Variants in KRCC1 observed in about 807,000 individuals in gnomAD.
KRCC1 encodes lysine-rich coiled-coil protein 1.
In KRCC1, 3 loss-of-function variants were observed where a neutral mutation model predicts 7.4. The ratio of observed to expected loss-of-function variants is 0.40; its 90% CI spans 0.18 to 1.04. KRCC1 has a LOEUF of 1.04. Among genes scored for constraint, KRCC1 ranks in the 50% least tolerant of loss-of-function variants. KRCC1 has a pLI of 0.33. For missense variants in KRCC1, 277 were observed against 300.9 expected (o/e 0.92, Z 0.59); for synonymous variants, 102 against 101.6 (o/e 1.00, Z -0.02).
chr2:88,032,903 C>T (rs1312703956), intron 3 of KRCC1, among the ~76,000 whole-genome samples: 2 of 150,972 alleles, frequency 1.3e-5, no homozygotes. Flanking sequence ...AAGTTCAAGA[C>T]CAACCTGGCC....
intron 1 of KRCC1, among the ~76,000 whole-genome samples, chr2:88,049,356 T>C (rs940582025): frequency 1.3e-5 from 2 of 152,164 alleles, no homozygotes; most frequent in African/African-American, 2.4e-5. Context: ...GGTTAGTTAA[T>C]GTGAATGGGT....
At chr2:88,048,332 T>C (rs1275617185) in intron 1 of KRCC1, among the ~76,000 whole-genome samples, 3 of 152,214 alleles carry the variant, frequency 2.0e-5, no homozygotes, top group Non-Finnish European at 4.4e-5. Context: ...TCCACCTGCC[T>C]TGGCCTCCCA....
chr2:88,044,162 A>T (rs1382176929), intron 1 of KRCC1, among the ~76,000 whole-genome samples: 1 of 152,188 alleles, frequency 6.6e-6, no homozygotes, highest in Non-Finnish European at 1.5e-5. Context: ...TTCCTAACTG[A>T]TGTAAAACTT....
At chr2:88,048,010 A>AT (rs1673381226) in intron 1 of KRCC1, among the ~76,000 whole-genome samples, 1 of 152,046 alleles carries the variant, frequency 6.6e-6, no homozygotes, top group Non-Finnish European at 1.5e-5. Flanking sequence ...TCACTAACAT[A>AT]TATTAGGAGA....
At chr2:88,031,605 G>C (rs1672992397) in intron 3 of KRCC1, among the ~76,000 whole-genome samples, 1 of 151,732 alleles carries the variant, frequency 6.6e-6, no homozygotes, top group South Asian at 2.1e-4. Context: ...CTGGGCAACA[G>C]AGTGAGACTC....
chr2:88,049,940 A>G (rs533855791), intron 1 of KRCC1, among the ~76,000 whole-genome samples: 22 of 152,376 alleles, frequency 1.4e-4, no homozygotes, highest in Admixed American at 1.4e-3. Flanking sequence ...TATGCAAAAC[A>G]ATGAACTACT....
At chr2:88,034,654 A>G in intron 2 of KRCC1, among the ~76,000 whole-genome samples, 1 of 152,214 alleles carries the variant, frequency 6.6e-6, no homozygotes, top group South Asian at 2.1e-4. Flanking sequence ...ATAATCTTTT[A>G]CAGCTACTTT....
intron 2 of KRCC1, among the ~76,000 whole-genome samples, chr2:88,034,977 GTTTA>G (rs1408706377): frequency 6.6e-6 from 1 of 151,922 alleles, no homozygotes; most frequent in Non-Finnish European, 1.5e-5. Context: ...AATAAGTTTT[GTTTA>G]TTTAAGAAGA....
In KRCC1 at chr2:88,028,001, T is replaced by A. The variant is rs201503261; in HGVS notation, c.563A>T (p.Asp188Val). The A allele has an allele frequency of 6.2e-7, 1 of 1,614,114 alleles. No homozygotes were observed. Among genetic ancestry groups the A allele is most frequent in the African/African-American group, 1.3e-5 (1 of 75,026 alleles). The change falls in exon 4 of 4, where the codon GAC becomes GTC. Residue 188 changes from aspartate (D) to valine (V), a missense_variant. Physicochemically the swap from Asp to Val is radical, Grantham distance 152. Transcript: ENST00000347055. ...HKRKKSCEEI[D>V]LDKHKSIQRK... The stretch of plus-strand genomic sequence containing the variant: ...TTGGATGCTCTTGTGTTTGTCTAAG[T>A]CAATTTCCTCGCAGCTTTTTTTTCT...
intron 1 of KRCC1, among the ~76,000 whole-genome samples, chr2:88,042,929 T>C (rs1673245443): frequency 6.6e-6 from 1 of 152,200 alleles, no homozygotes; most frequent in African/African-American, 2.4e-5. Flanking sequence ...AATCTATGGG[T>C]TTAATTAGAA....
chr2:88,030,368 A>C (rs1672970838), intron 3 of KRCC1, among the ~76,000 whole-genome samples: 1 of 151,466 alleles, frequency 6.6e-6, no homozygotes. Context: ...AAGAAAATCT[A>C]AATGAAGCCT....
chr2:88,053,575 A>T (rs1217335073), intron 1 of KRCC1, among the ~76,000 whole-genome samples: 1 of 152,234 alleles, frequency 6.6e-6, no homozygotes, highest in East Asian at 1.9e-4. Context: ...GAAGACACTA[A>T]ATCTAGTCTT....
In KRCC1 at chr2:88,028,285, G is replaced by A; in HGVS notation, c.279C>T (p.Asp93=). 3 of 1,614,214 alleles carry A rather than the reference G, an allele frequency of 1.9e-6. No individual in the cohort carries two copies. Among genetic ancestry groups the A allele is most frequent in the South Asian group, 1.1e-5 (1 of 91,084 alleles). The change falls in exon 4 of 4, where the codon GAC becomes GAT. Residue 93 remains aspartate, a synonymous_variant. Transcript: ENST00000347055. ...TCAGAGAGTCTAGTCTCAATCTGCTGTCATGGGCTGGTAACCACTGAGGCA... is the reference window on the plus strand; with the variant it reads ...TCAGAGAGTCTAGTCTCAATCTGCTATCATGGGCTGGTAACCACTGAGGCA... ...NRLPQWLPAH[D]SRLRLDSLSY...
At chr2:88,047,992 A>T (rs1443497743) in intron 1 of KRCC1, among the ~76,000 whole-genome samples, 1 of 152,142 alleles carries the variant, frequency 6.6e-6, no homozygotes, top group African/African-American at 2.4e-5. Context: ...TAGACTTTTC[A>T]ATCTAACTCA....
At chr2:88,039,435 C>T (rs1179872534) in intron 1 of KRCC1, among the ~76,000 whole-genome samples, 10 of 152,056 alleles carry the variant, frequency 6.6e-5, no homozygotes. Flanking sequence ...GCCTGTAATC[C>T]CAGCATTTTG....
Position 88,028,107 on chromosome 2 carries a change from G to T in KRCC1, c.457C>A (p.His153Asn). ...TTCCTCTTCTGATGTATCTGTTTGT[G>T]ACTGGCTTGATGAGTACTGGTACTG... Reference protein sequence around the residue: ...DNSTSTHQASHKQIHQKRKRH... With the variant: ...DNSTSTHQASNKQIHQKRKRH... Residue 153 changes from histidine (H) to asparagine (N), a missense_variant, in exon 4 of 4, where the codon CAC becomes AAC. Coordinates refer to ENST00000347055, the MANE Select transcript of KRCC1 (RefSeq NM_016618.3). 6.2e-7 allele frequency: 1 copy of T among 1,614,026 alleles called. No homozygotes were observed. The highest frequency in any genetic ancestry group is 8.5e-7 in the Non-Finnish European group (1 of 1,180,010).
In KRCC1 at chr2:88,043,579, C is replaced by T. The variant is rs538735078; in HGVS notation, c.-290-6528G>A. Among the ~76,000 whole-genome samples the T allele has an allele frequency of 6.6e-5, 10 of 152,342 alleles. No individual in the cohort carries two copies. In the South Asian group the frequency reaches 2.1e-3, roughly 32 times the overall value. On this transcript the variant is annotated intron_variant, in intron 1 of 3. Coordinates refer to ENST00000347055, the MANE Select transcript of KRCC1 (RefSeq NM_016618.3). ...TTTTAATGTTTATTTCAAAGTATCACATTCACAAGCGACCTATTAATAACC... is the reference window on the plus strand; with the variant it reads ...TTTTAATGTTTATTTCAAAGTATCATATTCACAAGCGACCTATTAATAACC...
chr2:88,055,197 C>G (rs1339789767), intron 1 of KRCC1, among the ~76,000 whole-genome samples: 1 of 151,840 alleles, frequency 6.6e-6, no homozygotes, highest in Non-Finnish European at 1.5e-5. Context: ...ACGTCAAAGT[C>G]TCTACTTTCC....
intron 1 of KRCC1, among the ~76,000 whole-genome samples, chr2:88,037,935 C>A (rs1402333348): frequency 1.3e-5 from 2 of 152,190 alleles, no homozygotes; most frequent in African/African-American, 4.8e-5. Flanking sequence ...AAGTTCCTAA[C>A]AGCTAAAATT....
Sources: gnomAD v4.1 joint callset for allele counts (sites outside exome capture counted in the v4.1 genomes callset) on GRCh38, gnomAD v4.1.1 for gene constraint, MANE v1.5 for transcripts, NCBI Gene and HGNC (gene_info 2026-07-23, HGNC 2026-07-21) for gene names.